The following SGSM3 variants were observed in gnomAD, a reference collection of about 807,000 sequenced individuals.
The protein encoded by SGSM3 is RUN and SH3 containing 3.
Under a neutral mutation model 100.5 loss-of-function variants are expected in SGSM3, and 96 were observed. That is an observed-to-expected ratio of 0.96 (90% CI 0.81 to 1.13). The LOEUF is 1.13. Among genes scored for constraint, SGSM3 ranks in the 50% most tolerant of loss-of-function variants. The pLI is 0.00. For missense variants in SGSM3, 1,001 were observed against 1,015.8 expected (o/e 0.99, Z 0.20); for synonymous variants, 483 against 422.8 (o/e 1.14, Z -1.75).
intron 1 of SGSM3, among the ~76,000 whole-genome samples, chr22:40,375,011 C>T (rs2146739483): frequency 6.6e-6 from 1 of 152,290 alleles, no homozygotes; most frequent in Middle Eastern, 3.4e-3. Flanking sequence ...ATATAATCAC[C>T]TCCCCTTTTT....
chr22:40,393,179 C>T (rs1022001902), intron 1 of SGSM3, among the ~76,000 whole-genome samples: 5 of 152,158 alleles, frequency 3.3e-5, no homozygotes, highest in East Asian at 1.9e-4. Flanking sequence ...TGCAGTGGCG[C>T]GATCGTGGCT....
chr22:40,408,100 C>T lies in SGSM3; in HGVS notation c.1609C>T (p.Leu537=). ...GTTTCCAGCCAAGTTCGTGGAAGTCCTGGATGAGCGCAGCAAAGAGGTGAG... is the reference window on the plus strand; with the variant it reads ...GTTTCCAGCCAAGTTCGTGGAAGTCTTGGATGAGCGCAGCAAAGAGGTGAG... ...GWFPAKFVEV[L]DERSKEYSIA... is the part of the protein sequence containing the mutation. Residue 537 remains leucine (L), a synonymous_variant, in exon 15 of 22, where the codon CTG becomes TTG. Transcript: ENST00000248929. 1 of 1,606,022 alleles carries T rather than the reference C, an allele frequency of 6.2e-7. No homozygotes were observed.
Position 40,410,010 on chromosome 22 carries a change from G to T in SGSM3, c.*251G>T, listed in dbSNP as rs1602174525. 1.5e-6 allele frequency: 2 copies of T among 1,336,926 alleles called. No homozygotes were observed. The highest frequency in any genetic ancestry group is 1.9e-6 in the Non-Finnish European group (2 of 1,049,870). The allele number at this position is 1,336,926 out of a possible 1,614,324, so 82.8% of individuals were successfully genotyped here. ...CCAAAAACCTTGTGAGGAGGTGGGG[G>T]AGCCATGTCTGTGCTCAGGAAGAGG... On this transcript the variant is annotated 3_prime_UTR_variant, in exon 22 of 22. Coordinates refer to ENST00000248929, the MANE Select transcript of SGSM3 (RefSeq NM_015705.6).
In SGSM3 at chr22:40,409,373, G is replaced by C; in HGVS notation, c.2111+1G>C. The C allele has an allele frequency of 6.3e-7, 1 of 1,598,610 alleles. No individual in the cohort carries two copies. The highest frequency in any genetic ancestry group is 8.5e-7 in the Non-Finnish European group (1 of 1,171,866). On this transcript the variant is annotated splice_donor_variant, in intron 20 of 21. Transcript: ENST00000248929. LOFTEE classifies it high-confidence loss of function. ...GGGTCCAGATCAAGTGTGAGCTCCG[G>C]TGAGGACCTTACTGGGCTTGGGGGA...
rs1431670820 is a variant in SGSM3, at chr22:40,406,499, C to T, written c.1022C>T (p.Pro341Leu). The T allele has an allele frequency of 4.3e-6, 7 of 1,611,406 alleles. No individual in the cohort carries two copies. The highest frequency in any genetic ancestry group is 1.7e-5 in the Admixed American group (1 of 59,932). ...ASIFNTLSDI[P>L]SQMEDAELLL... ...ATCTTCAACACGCTATCGGATATCC[C>T]GTCGCAGATGGAGGACGCGGAGCTG... is the stretch of plus-strand genomic sequence containing the variant. Residue 341 changes from proline (P) to leucine (L), a missense_variant, in exon 10 of 22, where the codon CCG becomes CTG. Pro to Leu is a moderately conservative substitution (Grantham distance 98). Transcript: ENST00000248929.
At chr22:40,375,739 G>A (rs146404597) in intron 1 of SGSM3, among the ~76,000 whole-genome samples, 1 of 151,224 alleles carries the variant, frequency 6.6e-6, no homozygotes, top group African/African-American at 2.4e-5. Context: ...TAGCCTGCAA[G>A]CTAACACTCT....
At chr22:40,405,342 C>A in intron 7 of SGSM3, 58 bp downstream of exon 7, 2 of 1,409,906 alleles carry the variant, frequency 1.4e-6, no homozygotes, top group Non-Finnish European at 1.9e-6. Context: ...AGGACCCTAA[C>A]AAGGAGTGGC....
At chr22:40,387,807 C>T (rs78488542) in intron 1 of SGSM3, among the ~76,000 whole-genome samples, 1,724 of 152,238 alleles carry the variant, frequency 0.011, 15 homozygotes, top group Non-Finnish European at 0.02. Context: ...AACCAGATTA[C>T]TGTGGATGAT....
Position 40,407,584 on chromosome 22 carries a change from G to A in SGSM3, c.1524+16G>A, listed in dbSNP as rs747315172. On this transcript the variant is annotated intron_variant, in intron 13 of 21. Transcript: ENST00000248929. The surrounding 1 kb of genome is among the most constrained non-coding windows in gnomAD (Gnocchi z 4.7). ...CATCATCACAGTGCGTGGGGGCGCT[G>A]GACTACCAGGTCCTCAGGCTGTGGC... 1.3e-6 allele frequency: 2 copies of A among 1,600,004 alleles called. No homozygotes were observed. The highest frequency in any genetic ancestry group is 1.1e-5 in the South Asian group (1 of 90,972).
intron 17 of SGSM3, 39 bp from the exon 18 acceptor site, chr22:40,408,755 C>A (rs763874314): frequency 1.2e-6 from 2 of 1,613,852 alleles, no homozygotes; most frequent in African/African-American, 1.3e-5. Flanking sequence ...CGGGGCCTGA[C>A]CCAGCCCCGG....
Position 40,404,280 on chromosome 22 carries a change from A to G in SGSM3, c.191A>G (p.Asn64Ser). The G allele has an allele frequency of 6.6e-7, 1 of 1,522,200 alleles. No individual in the cohort carries two copies. Among genetic ancestry groups the G allele is most frequent in the African/African-American group, 1.4e-5 (1 of 71,986 alleles). The allele number at this position is 1,522,200 out of a possible 1,614,324, so 94.3% of individuals were successfully genotyped here. ...GDEPGSSLLA[N>S]SPLMEDAPQR... ...GAGCCTGGCTCCAGTCTGCTGGCGA[A>G]CTCCCCTCTGATGGAGGATGCTCCA... The change falls in exon 5 of 22, where the codon AAC becomes AGC. Residue 64 changes from asparagine to serine, a missense_variant. By Grantham distance (46) the Asn-to-Ser change is conservative (BLOSUM62 1). Coordinates refer to ENST00000248929, the MANE Select transcript of SGSM3 (RefSeq NM_015705.6).
rs1208663663 is a variant in SGSM3 at position 40,409,499 on chromosome 22, G to C, written c.2146G>C (p.Asp716His). 7 of 1,593,794 alleles carry C rather than the reference G, an allele frequency of 4.4e-6. No individual in the cohort carries two copies. The highest frequency in any genetic ancestry group is 6.0e-6 in the Non-Finnish European group (7 of 1,169,820). ...CTGCTTTGCCTTCAGCCTCTCCCAGGACTGGGAGCTCCCTGCGAAGAGAGA... is the reference window on the plus strand; with the variant it reads ...CTGCTTTGCCTTCAGCCTCTCCCAGCACTGGGAGCTCCCTGCGAAGAGAGA... The part of the protein sequence containing the change: ...LCCFAFSLSQ[D>H]WELPAKREAQ... The change falls in exon 21 of 22, where the codon GAC (aspartate) becomes CAC (histidine). Residue 716 changes from aspartate to histidine, a missense_variant. Asp to His is a moderately conservative substitution (Grantham distance 81, BLOSUM62 -1). Coordinates refer to ENST00000248929, the MANE Select transcript of SGSM3 (RefSeq NM_015705.6).
At chr22:40,405,528 G>A in intron 7 of SGSM3, 121 bp from the exon 8 acceptor site, 1 of 987,376 alleles carries the variant, frequency 1.0e-6, no homozygotes, top group East Asian at 2.5e-5. Flanking sequence ...GGGAAGGCCT[G>A]GGTTCCAGCA....
intron 16 of SGSM3, 96 bp downstream of exon 16, chr22:40,408,525 TG>T (rs1569227749): frequency 6.3e-7 from 1 of 1,585,810 alleles, no homozygotes; most frequent in Non-Finnish European, 8.6e-7. Context: ...ACAGAGAGGA[TG>T]GGAAGAGCTG....
intron 1 of SGSM3, chr22:40,373,461 G>A (rs1400184561): frequency 2.0e-5 from 3 of 152,026 alleles, no homozygotes; most frequent in Non-Finnish European, 4.4e-5. Flanking sequence ...TCCTCTCAAC[G>A]ATTTATTGAA....
intron 1 of SGSM3, among the ~76,000 whole-genome samples, chr22:40,377,054 A>G (rs933196927): frequency 2.0e-5 from 3 of 152,304 alleles, no homozygotes; most frequent in East Asian, 1.9e-4. Context: ...TTGCTCCTCC[A>G]TATCTAGATC....
intron 19 of SGSM3, 85 bp downstream of exon 19, chr22:40,409,103 A>G (rs2052163158): frequency 1.3e-6 from 2 of 1,552,410 alleles, no homozygotes; most frequent in South Asian, 1.2e-5. Context: ...AGGGAACCCT[A>G]AAGGACAAAG....
intron 1 of SGSM3, among the ~76,000 whole-genome samples, chr22:40,386,448 T>C (rs1162601467): frequency 1.3e-5 from 2 of 152,126 alleles, no homozygotes; most frequent in Non-Finnish European, 2.9e-5. Flanking sequence ...GGCCTGTCTC[T>C]AGCTGTTTCC....
At chr22:40,405,002 G>A in intron 6 of SGSM3, 139 bp from the exon 7 acceptor site, 1 of 1,190,484 alleles carries the variant, frequency 8.4e-7, no homozygotes, top group Non-Finnish European at 1.2e-6. Context: ...GCTGGGAGCT[G>A]ACCCTGAAGG....
Sources: allele counts gnomAD v4.1 joint callset (sites outside exome capture counted in the v4.1 genomes callset), GRCh38; gene constraint gnomAD v4.1.1; non-coding constraint Gnocchi (gnomAD v3.1); transcripts MANE v1.5; gene names NCBI Gene and HGNC (gene_info 2026-07-23, HGNC 2026-07-21).